The following RUNX1T1 variants were observed in gnomAD, a reference collection of about 807,000 sequenced individuals.
The protein encoded by RUNX1T1 is protein CBFA2T1.
RUNX1T1 carries 4 observed loss-of-function variants against 62.8 expected under a neutral mutation model. The observed-to-expected ratio is 0.06, with a 90% CI of 0.03 to 0.15. RUNX1T1 has a LOEUF of 0.15. RUNX1T1 is among the 10% of genes least tolerant of loss of function. RUNX1T1 has a pLI of 1.00. For missense variants in RUNX1T1, 508 were observed against 754.3 expected (o/e 0.67, Z 3.82); for synonymous variants, 291 against 286.0 (o/e 1.02, Z -0.18).
intron 10 of RUNX1T1, 65 bp from the exon 12 acceptor site, chr8:91,960,582 A>G: frequency 2.6e-6 from 4 of 1,533,578 alleles, no homozygotes; most frequent in Non-Finnish European, 3.6e-6. Context: ...ATAGTCTGAC[A>G]AATATGTTAG....
At chr8:91,991,811 G>A (rs756137201) in exon 6 of RUNX1T1, 1 of 1,614,136 alleles carries the variant, frequency 6.2e-7, no homozygotes. Context: ...TGTACCGCTG[G>A]CCTGGGCTAA....
At chr8:91,981,271 G>C (rs1286164019) in intron 8 of RUNX1T1, among the ~76,000 whole-genome samples, 13 of 151,982 alleles carry the variant, frequency 8.6e-5, no homozygotes, top group Non-Finnish European at 1.9e-4. Flanking sequence ...AGAGAGCAAT[G>C]AGAAATTCCA....
rs1046538707 is a variant in RUNX1T1 at position 92,036,405 on chromosome 8, A to T, written c.8-19042T>A. Among the ~76,000 whole-genome samples, 9 of 152,354 alleles carry T rather than the reference A, an allele frequency of 5.9e-5. No individual in the cohort carries two copies. In the East Asian group the frequency reaches 1.7e-3, roughly 29 times the overall value. ...CAATAACTCAAGTTAGGATATATCCAAAACCATTCCTATGATAATATCACT... is the reference window on the plus strand; with the variant it reads ...CAATAACTCAAGTTAGGATATATCCTAAACCATTCCTATGATAATATCACT... On this transcript the variant is annotated intron_variant, in intron 1 of 10. Transcript: ENST00000396218.
At chr8:92,080,271 T>C (rs1835041304) in intron 1 of RUNX1T1, among the ~76,000 whole-genome samples, 1 of 152,176 alleles carries the variant, frequency 6.6e-6, no homozygotes. Flanking sequence ...GGCAAACCTT[T>C]CCGTGGCTAC....
intron 1 of RUNX1T1, among the ~76,000 whole-genome samples, chr8:92,085,290 G>A (rs2130853459): frequency 6.6e-6 from 1 of 152,284 alleles, no homozygotes; most frequent in South Asian, 2.1e-4. Flanking sequence ...GAGTACCAAA[G>A]GACATACAGC....
upstream of RUNX1T1, among the ~76,000 whole-genome samples, chr8:92,100,694 A>G (rs1324862403): frequency 2.0e-5 from 3 of 152,222 alleles, no homozygotes; most frequent in Non-Finnish European, 4.4e-5. Flanking sequence ...AAACAAAAAA[A>G]TCAGTAAAGG....
At chr8:91,971,070 T>G in intron 9 of RUNX1T1, 5 of 396,556 alleles carry the variant, frequency 1.3e-5, no homozygotes, top group Non-Finnish European at 8.9e-6. Flanking sequence ...TAGAATTCTA[T>G]AGAAGAAGCA....
chr8:92,095,498 G>A (rs963458508), intron 1 of RUNX1T1: 4 of 1,519,554 alleles, frequency 2.6e-6, no homozygotes, highest in African/African-American at 2.8e-5. Flanking sequence ...AGCGCAGGAG[G>A]GAGAGGAGAG....
chr8:91,972,256 A>G (rs1813004230), intron 9 of RUNX1T1, among the ~76,000 whole-genome samples: 1 of 152,120 alleles, frequency 6.6e-6, no homozygotes, highest in Admixed American at 6.5e-5. Context: ...ATGACTTGAG[A>G]GTCATCAGAA....
intron 10 of RUNX1T1, among the ~76,000 whole-genome samples, chr8:91,965,196 A>G (rs1374649339): frequency 6.6e-6 from 1 of 152,192 alleles, no homozygotes; most frequent in African/African-American, 2.4e-5. Context: ...ACTGACAGCT[A>G]CAGGAGAAGA....
At chr8:92,063,810 C>A (rs1247693994), upstream of RUNX1T1, among the ~76,000 whole-genome samples, 1 of 152,168 alleles carries the variant, frequency 6.6e-6, no homozygotes, top group East Asian at 1.9e-4. Context: ...GTTTCAACAA[C>A]AGGGCACATG....
intron 9 of RUNX1T1, among the ~76,000 whole-genome samples, chr8:91,975,306 C>A (rs1813679883): frequency 6.6e-6 from 1 of 152,186 alleles, no homozygotes; most frequent in African/African-American, 2.4e-5. Context: ...TAATGGAAAG[C>A]AGATAGTGTA....
At chr8:92,088,335 C>T (rs914015626) in intron 1 of RUNX1T1, among the ~76,000 whole-genome samples, 1 of 152,200 alleles carries the variant, frequency 6.6e-6, no homozygotes, top group Non-Finnish European at 1.5e-5. Context: ...ATTAGTCTTC[C>T]CTGACCTGTC....
intron 1 of RUNX1T1, among the ~76,000 whole-genome samples, chr8:92,023,250 T>A (rs1456332441): frequency 3.3e-5 from 5 of 152,196 alleles, no homozygotes. Context: ...ACTTTTCTTA[T>A]CTATGAATTA....
At chr8:92,048,898 T>C (rs1162908361) in intron 1 of RUNX1T1, among the ~76,000 whole-genome samples, 2 of 152,168 alleles carry the variant, frequency 1.3e-5, no homozygotes, top group African/African-American at 4.8e-5. Context: ...AGGAGAAATC[T>C]AGCAGTGTAG....
chr8:92,077,124 T>A (rs939235094), intron 1 of RUNX1T1, among the ~76,000 whole-genome samples: 5 of 152,116 alleles, frequency 3.3e-5, no homozygotes, highest in Admixed American at 1.3e-4. Flanking sequence ...TTCTATTTTT[T>A]AAAAAATCAA....
intron 3 of RUNX1T1, among the ~76,000 whole-genome samples, chr8:92,014,206 C>A (rs181097793): frequency 6.6e-6 from 1 of 152,048 alleles, no homozygotes; most frequent in Admixed American, 6.5e-5. Context: ...CATAACAAAA[C>A]CATTTTGTCA....
At chr8:92,021,974 C>T (rs1824183158) in intron 1 of RUNX1T1, among the ~76,000 whole-genome samples, 1 of 151,050 alleles carries the variant, frequency 6.6e-6, no homozygotes, top group Non-Finnish European at 1.5e-5. Flanking sequence ...TTTCAGCTTC[C>T]CTCAACTGCC....
intron 1 of RUNX1T1, among the ~76,000 whole-genome samples, chr8:92,044,439 T>C (rs1183809704): frequency 6.6e-6 from 1 of 152,086 alleles, no homozygotes; most frequent in South Asian, 2.1e-4. Context: ...AAAAAATGAG[T>C]GAAGAAGACC....
Sources: allele counts gnomAD v4.1 joint callset (sites outside exome capture counted in the v4.1 genomes callset), GRCh38; gene constraint gnomAD v4.1.1; transcripts MANE v1.5; gene names NCBI Gene and HGNC (gene_info 2026-07-23, HGNC 2026-07-21).